DPF3: variants seen among roughly 807,000 people sequenced by gnomAD.
DPF3 encodes the protein double PHD fingers 3, also known as zinc finger protein DPF3.
Under a neutral mutation model 56.8 loss-of-function variants are expected in DPF3, and 18 were observed. The observed-to-expected ratio is 0.32, with a 90% CI of 0.22 to 0.47. The LOEUF is 0.47. Ranked by LOEUF, DPF3 falls within the 20% of genes least tolerant of loss-of-function variation. The probability of loss-of-function intolerance (pLI) is 1.00; values close to 1 mark genes in which losing one functional copy is unlikely to be tolerated. For missense variants in DPF3, 403 were observed against 488.8 expected (o/e 0.82, Z 1.65); for synonymous variants, 188 against 180.2 (o/e 1.04, Z -0.35).
intron 1 of DPF3, among the ~76,000 whole-genome samples, chr14:72,811,284 C>T (rs1883034211): frequency 6.6e-6 from 1 of 152,192 alleles, no homozygotes; most frequent in South Asian, 2.1e-4. Flanking sequence ...AGGGGACAAA[C>T]ATTCAAATCA....
chr14:72,800,006 T>G (rs1189548349), intron 1 of DPF3, among the ~76,000 whole-genome samples: 2 of 152,300 alleles, frequency 1.3e-5, no homozygotes, highest in East Asian at 3.9e-4. Flanking sequence ...TTCCTCTGTG[T>G]GCTTAAGCAC....
intron 3 of DPF3, among the ~76,000 whole-genome samples, chr14:72,746,501 T>C (rs1890329691): frequency 6.6e-6 from 1 of 152,116 alleles, no homozygotes; most frequent in African/African-American, 2.4e-5. Flanking sequence ...GCAGGCCTAG[T>C]AGTAGGTCTG....
At chr14:72,706,424 T>C (rs1888405650) in intron 6 of DPF3, among the ~76,000 whole-genome samples, 1 of 152,112 alleles carries the variant, frequency 6.6e-6, no homozygotes, top group South Asian at 2.1e-4. Context: ...TCCAAGCATA[T>C]TGGAGAAAGA....
intron 6 of DPF3, among the ~76,000 whole-genome samples, chr14:72,701,300 G>A (rs1343097164): frequency 6.6e-6 from 1 of 152,178 alleles, no homozygotes; most frequent in Non-Finnish European, 1.5e-5. Context: ...TTCCTGGCAT[G>A]GTGCACATGG....
chr14:72,745,781 G>A lies in DPF3; in HGVS notation c.301+7483C>T, dbSNP rs184125520. On this transcript the variant is annotated intron_variant, in intron 3 of 10. Coordinates refer to ENST00000556509, the MANE Select transcript of DPF3 (RefSeq NM_001280542.3). ...GGCCAATGACTCTATCCTGAGTCAC[G>A]CGCGAAGTATCAGCCAAAAAACTGA... Among the ~76,000 whole-genome samples the A allele has an allele frequency of 7.6e-4, 115 of 152,194 alleles. 1 individual carries two copies. In the Middle Eastern group the frequency reaches 0.01, roughly 14 times the overall value.
At chr14:72,834,090 G>A (rs1302459852) in intron 1 of DPF3, among the ~76,000 whole-genome samples, 3 of 152,086 alleles carry the variant, frequency 2.0e-5, no homozygotes, top group Non-Finnish European at 4.4e-5. Context: ...GCTGAGGCAC[G>A]AGAATTGAAC....
chr14:72,812,454 G>T (rs1450664342), intron 1 of DPF3, among the ~76,000 whole-genome samples: 1 of 152,176 alleles, frequency 6.6e-6, no homozygotes, highest in East Asian at 1.9e-4. Flanking sequence ...TATTTTGGGA[G>T]CTGGGAGGGG....
chr14:72,736,229 T>C (rs1567216234), intron 3 of DPF3, among the ~76,000 whole-genome samples: 1 of 152,228 alleles, frequency 6.6e-6, no homozygotes, highest in Non-Finnish European at 1.5e-5. Flanking sequence ...CATAAAAATA[T>C]GGACGCAAAA....
chr14:72,749,521 G>T (rs979022398), intron 3 of DPF3, among the ~76,000 whole-genome samples: 1 of 152,220 alleles, frequency 6.6e-6, no homozygotes, highest in African/African-American at 2.4e-5. Context: ...AGGCATGATT[G>T]GTTTTGAAAT....
chr14:72,620,490 C>T (rs956016329), intron 9 of DPF3, among the ~76,000 whole-genome samples: 4 of 152,192 alleles, frequency 2.6e-5, no homozygotes, highest in East Asian at 1.9e-4. Flanking sequence ...ATGCAAGTAG[C>T]GCCATCCCTC....
At chr14:72,707,561 A>T (rs1173494453) in intron 6 of DPF3, among the ~76,000 whole-genome samples, 1 of 152,236 alleles carries the variant, frequency 6.6e-6, no homozygotes, top group Non-Finnish European at 1.5e-5. Context: ...ATATAGCCCT[A>T]AAAACTATGT....
At chr14:72,888,371 T>C (rs1419370053) in intron 1 of DPF3, among the ~76,000 whole-genome samples, 1 of 152,168 alleles carries the variant, frequency 6.6e-6, no homozygotes, top group Non-Finnish European at 1.5e-5. Flanking sequence ...AAACCTTCCC[T>C]CAGTGACAGT....
In DPF3 at chr14:72,614,037, G is replaced by T. The variant is rs1159917316; in HGVS notation, c.*5260C>A. Reference sequence around the variant, plus strand: ...AGGGTCTCCAGCCTCCCTAGGAAGGGGTTCCCAGCTCTCCAAGACCCACCA... The same window carrying T: ...AGGGTCTCCAGCCTCCCTAGGAAGGTGTTCCCAGCTCTCCAAGACCCACCA... On this transcript the variant is annotated 3_prime_UTR_variant, in exon 11 of 11. Transcript: ENST00000556509. 6.6e-6 allele frequency among the ~76,000 whole-genome samples: 1 copy of T among 152,110 alleles called. No homozygotes were observed. The highest frequency in any genetic ancestry group is 2.4e-5 in the African/African-American group (1 of 41,400).
chr14:72,820,768 G>A (rs1488128672), intron 1 of DPF3, among the ~76,000 whole-genome samples: 1 of 152,172 alleles, frequency 6.6e-6, no homozygotes, highest in African/African-American at 2.4e-5. Context: ...GTCAAGCTGG[G>A]AGGATCACTT....
At chr14:72,878,688 T>C (rs545607713) in intron 1 of DPF3, among the ~76,000 whole-genome samples, 3 of 152,342 alleles carry the variant, frequency 2.0e-5, no homozygotes, top group Admixed American at 6.5e-5. Context: ...TCAGTGGCTA[T>C]CCATAAGCCA....
chr14:72,805,002 C>T (rs934638328), intron 1 of DPF3, among the ~76,000 whole-genome samples: 4 of 149,586 alleles, frequency 2.7e-5, no homozygotes, highest in African/African-American at 5.0e-5. Flanking sequence ...ACTTTCCTCT[C>T]GGAGCTTCAG....
intron 6 of DPF3, among the ~76,000 whole-genome samples, chr14:72,708,567 G>A (rs895699379): frequency 6.6e-6 from 1 of 152,208 alleles, no homozygotes; most frequent in African/African-American, 2.4e-5. Flanking sequence ...GAGCCTTAAA[G>A]AATATGTGCC....
chr14:72,807,597 G>A (rs901378916), intron 1 of DPF3, among the ~76,000 whole-genome samples: 1 of 152,166 alleles, frequency 6.6e-6, no homozygotes, highest in Non-Finnish European at 1.5e-5. Context: ...CCCAGAACTT[G>A]GGGAGGCCAA....
intron 1 of DPF3, among the ~76,000 whole-genome samples, chr14:72,885,097 G>C (rs1886489238): frequency 6.9e-6 from 1 of 145,256 alleles, no homozygotes. Flanking sequence ...CTGCACTCCA[G>C]CCTGGGCGAC....
Sources: allele counts gnomAD v4.1 joint callset (sites outside exome capture counted in the v4.1 genomes callset), GRCh38; gene constraint gnomAD v4.1.1; transcripts MANE v1.5; gene names NCBI Gene and HGNC (gene_info 2026-07-23, HGNC 2026-07-21).